Variants in PRKCA observed in about 807,000 individuals in gnomAD.
The protein encoded by PRKCA is protein kinase C alpha.
PRKCA carries 27 observed loss-of-function variants against 87.0 expected under a neutral mutation model. The ratio of observed to expected loss-of-function variants is 0.31; its 90% CI spans 0.23 to 0.43. The LOEUF is 0.43. Among genes scored for constraint, PRKCA ranks in the 20% least tolerant of loss-of-function variants. The probability of loss-of-function intolerance (pLI) is 1.00; values close to 1 mark genes in which losing one functional copy is unlikely to be tolerated. For missense variants in PRKCA, 518 were observed against 852.3 expected, an observed-to-expected ratio of 0.61 and a Z score of 4.88; for synonymous variants, 329 against 311.1, an observed-to-expected ratio of 1.06 and a Z score of -0.61.
At chr17:66,526,076 A>G (rs1967339633) in intron 3 of PRKCA, among the ~76,000 whole-genome samples, 1 of 152,232 alleles carries the variant, frequency 6.6e-6, no homozygotes, top group African/African-American at 2.4e-5. Context: ...GTGTATGCTA[A>G]CTGTATATTG....
intron 5 of PRKCA, among the ~76,000 whole-genome samples, chr17:66,682,866 C>T (rs1199513442): frequency 2.6e-5 from 4 of 152,192 alleles, no homozygotes; most frequent in Non-Finnish European, 2.9e-5. Flanking sequence ...CTTGCTCTTG[C>T]TTAGTAACTC....
Position 66,726,913 on chromosome 17 carries a change from C to T in PRKCA, c.919-5775C>T, listed in dbSNP as rs553454866. 2.1e-4 allele frequency among the ~76,000 whole-genome samples: 32 copies of T among 152,176 alleles called. No individual in the cohort carries two copies. The East Asian group carries it at 3.3e-3, about 16-fold the overall frequency. On this transcript the variant is annotated intron_variant, in intron 8 of 16. Transcript: ENST00000413366. ...TAATTTTTGTATTTTTTGGTAGAGA[C>T]GGGGTTTCACCATGTTGGCAGGCTG...
In PRKCA at chr17:66,717,915, T is replaced by C. The variant is rs114584827; in HGVS notation, c.919-14773T>C. On this transcript the variant is annotated intron_variant, in intron 8 of 16. Coordinates refer to ENST00000413366, the MANE Select transcript of PRKCA (RefSeq NM_002737.3). The stretch of plus-strand genomic sequence containing the variant: ...GTGATTCCCGCCTCCGGGAGAAAAC[T>C]CCAAGTAGCAGGTGTTGACCCAGTT... Among the ~76,000 whole-genome samples the C allele has an allele frequency of 1.2e-3, 190 of 152,262 alleles. 2 individuals carry two copies. Among genetic ancestry groups the C allele is most frequent in the African/African-American group, 4.5e-3 (186 of 41,536 alleles).
chr17:66,571,345 A>G (rs1212048552), intron 3 of PRKCA, among the ~76,000 whole-genome samples: 2 of 152,126 alleles, frequency 1.3e-5, no homozygotes, highest in Admixed American at 6.5e-5. Flanking sequence ...TTTTTAATCC[A>G]TATTTCAAAA....
At chr17:66,537,180 C>T (rs757793044) in intron 3 of PRKCA, among the ~76,000 whole-genome samples, 41 of 152,170 alleles carry the variant, frequency 2.7e-4, no homozygotes, top group African/African-American at 9.9e-4. Context: ...AGGAAAACCA[C>T]GGTATTTCAG....
At chr17:66,464,939 G>A (rs1915018136) in intron 2 of PRKCA, among the ~76,000 whole-genome samples, 1 of 152,002 alleles carries the variant, frequency 6.6e-6, no homozygotes, top group Non-Finnish European at 1.5e-5. Context: ...AAACGTTATT[G>A]CCAAACCCAA....
At chr17:66,720,166 A>G (rs143855829) in intron 8 of PRKCA, among the ~76,000 whole-genome samples, 126 of 152,358 alleles carry the variant, frequency 8.3e-4, no homozygotes, top group Admixed American at 3.6e-3. Context: ...TGCAGGGACA[A>G]TGTCAGAAGG....
intron 8 of PRKCA, among the ~76,000 whole-genome samples, chr17:66,731,163 C>G (rs1191715406): frequency 2.0e-5 from 3 of 152,020 alleles, no homozygotes. Flanking sequence ...CCAGGCTGCC[C>G]AACATGGCGA....
intron 13 of PRKCA, among the ~76,000 whole-genome samples, chr17:66,744,085 T>C (rs1974217808): frequency 6.6e-6 from 1 of 152,154 alleles, no homozygotes; most frequent in South Asian, 2.1e-4. Flanking sequence ...TTTTTATTCC[T>C]TTGTGAAGAC....
chr17:66,343,487 G>GT (rs1907168705), intron 2 of PRKCA, among the ~76,000 whole-genome samples: 1 of 152,148 alleles, frequency 6.6e-6, no homozygotes, highest in Admixed American at 6.5e-5. Flanking sequence ...TGAGTATGGG[G>GT]TAGGGGAAGC....
intron 2 of PRKCA, among the ~76,000 whole-genome samples, chr17:66,398,569 C>A (rs946159631): frequency 6.6e-6 from 1 of 152,072 alleles, no homozygotes; most frequent in Non-Finnish European, 1.5e-5. Context: ...CCCTGGGTAA[C>A]TGTAGGATTA....
chr17:66,310,125 T>G (rs572318070), intron 2 of PRKCA, among the ~76,000 whole-genome samples: 1 of 152,270 alleles, frequency 6.6e-6, no homozygotes, highest in African/African-American at 2.4e-5. Flanking sequence ...AAACAGCCTC[T>G]CAAAATGTGA....
At chr17:66,609,439 C>T (rs1019769233) in intron 3 of PRKCA, among the ~76,000 whole-genome samples, 1 of 152,144 alleles carries the variant, frequency 6.6e-6, no homozygotes, top group African/African-American at 2.4e-5. Flanking sequence ...CCAGCTCCAT[C>T]CTGGAAAATT....
chr17:66,529,158 A>C (rs1339930352), intron 3 of PRKCA, among the ~76,000 whole-genome samples: 1 of 152,180 alleles, frequency 6.6e-6, no homozygotes, highest in African/African-American at 2.4e-5. Flanking sequence ...CAAAAGTTTG[A>C]GTGCAAGTTT....
At chr17:66,452,059 T>C (rs1036135454) in intron 2 of PRKCA, among the ~76,000 whole-genome samples, 1 of 152,142 alleles carries the variant, frequency 6.6e-6, no homozygotes, top group African/African-American at 2.4e-5. Flanking sequence ...CGTCCCTCAT[T>C]TATATGAAGC....
intron 8 of PRKCA, among the ~76,000 whole-genome samples, chr17:66,696,250 A>G (rs1357275903): frequency 1.3e-5 from 2 of 152,230 alleles, no homozygotes; most frequent in Admixed American, 6.5e-5. Flanking sequence ...TGCCCCTTTT[A>G]TATCCCAGTT....
intron 2 of PRKCA, among the ~76,000 whole-genome samples, chr17:66,470,384 A>T (rs1915274256): frequency 2.1e-5 from 2 of 95,984 alleles, no homozygotes; most frequent in Admixed American, 1.3e-4. Context: ...CCCCGCCACC[A>T]TGCCCGTCTA....
At chr17:66,675,361 G>A (rs1277852015) in intron 5 of PRKCA, among the ~76,000 whole-genome samples, 1 of 152,106 alleles carries the variant, frequency 6.6e-6, no homozygotes, top group Non-Finnish European at 1.5e-5. Flanking sequence ...CGCCTTGGGG[G>A]TTAGGATTTC....
At chr17:66,613,137 G>A (rs752687726) in intron 3 of PRKCA, among the ~76,000 whole-genome samples, 9 of 152,140 alleles carry the variant, frequency 5.9e-5, no homozygotes, top group Non-Finnish European at 1.3e-4. Context: ...TACAGCAGCC[G>A]ACTTTTCTCA....
Sources: allele counts gnomAD v4.1 joint callset (sites outside exome capture counted in the v4.1 genomes callset), GRCh38; gene constraint gnomAD v4.1.1; transcripts MANE v1.5; gene names NCBI Gene and HGNC (gene_info 2026-07-23, HGNC 2026-07-21).